Variants in MACROD2 observed in about 807,000 individuals in gnomAD.
MACROD2 encodes ADP-ribose glycohydrolase MACROD2.
In MACROD2, 36 loss-of-function variants were observed where a neutral mutation model predicts 70.4. The observed-to-expected ratio is 0.51, with a 90% confidence interval of 0.39 to 0.68. The LOEUF (loss-of-function observed/expected upper bound fraction) is 0.68, where lower values mean the gene tolerates loss of function less well. Among genes scored for constraint, MACROD2 ranks in the 30% least tolerant of loss-of-function variants. The pLI, the probability that MACROD2 is intolerant of heterozygous loss-of-function variation, is 0.00. For missense variants in MACROD2, 496 were observed against 538.4 expected (o/e 0.92, Z 0.78); for synonymous variants, 172 against 178.8 (o/e 0.96, Z 0.30).
At chr20:14,989,374 C>T (rs2074879583) in intron 5 of MACROD2, among the ~76,000 whole-genome samples, 1 of 152,144 alleles carries the variant, frequency 6.6e-6, no homozygotes, top group Non-Finnish European at 1.5e-5. Flanking sequence ...GCTGTCCAGG[C>T]TCTTGACACC....
chr20:15,931,715 G>A (rs6105495), intron 10 of MACROD2, among the ~76,000 whole-genome samples: 10,184 of 151,928 alleles, frequency 0.067, 832 homozygotes, highest in African/African-American at 0.19. Context: ...AACACAGGGG[G>A]TCCTGTACGT....
chr20:14,577,794 A>AAAGAAGAGAAGAG (rs775454835), intron 4 of MACROD2, among the ~76,000 whole-genome samples: 76 of 137,826 alleles, frequency 5.5e-4, no homozygotes, highest in African/African-American at 1.7e-3. Context: ...AAAGAAAAGG[A>AAAGAAGAGAAGAG]AAGAGAAGAG....
rs556370626 is a variant in MACROD2 at position 15,480,204 on chromosome 20, C to T, written c.572-19570C>T. Among the ~76,000 whole-genome samples, 3 of 152,238 alleles carry T rather than the reference C, an allele frequency of 2.0e-5. No individual in the cohort carries two copies. In the East Asian group the frequency reaches 5.8e-4, roughly 29 times the overall value. On this transcript the variant is annotated intron_variant, in intron 7 of 17. Coordinates refer to ENST00000684519, the MANE Select transcript of MACROD2 (RefSeq NM_001351661.2). ...TGAGATGCAAGTACAGAAATGTTGG[C>T]CCAACTCTATTAAAAACCAATGTGT... is the stretch of plus-strand genomic sequence containing the variant.
At chr20:15,496,965 C>T (rs1215068305) in intron 7 of MACROD2, among the ~76,000 whole-genome samples, 2 of 152,006 alleles carry the variant, frequency 1.3e-5, no homozygotes, top group African/African-American at 4.8e-5. Context: ...GCCGATCAGA[C>T]CTTGAATGAA....
In MACROD2 at chr20:14,808,553, G is replaced by A. The variant is rs369608336; in HGVS notation, c.418+123594G>A. Among the ~76,000 whole-genome samples the A allele has an allele frequency of 2.6e-5, 4 of 152,060 alleles. No individual in the cohort carries two copies. In the East Asian group the frequency reaches 7.7e-4, roughly 29 times the overall value. On this transcript the variant is annotated intron_variant, in intron 5 of 17. Coordinates refer to ENST00000684519, the MANE Select transcript of MACROD2 (RefSeq NM_001351661.2). ...AATGGGCAAAATAACCAGCTAGCAT[G>A]ATAATGACAGGATCAAATTCACACA...
chr20:14,812,007 A>G (rs2072718900), intron 5 of MACROD2, among the ~76,000 whole-genome samples: 1 of 152,124 alleles, frequency 6.6e-6, no homozygotes, highest in South Asian at 2.1e-4. Context: ...ACCATTGTGG[A>G]AGACAGTGTG....
At chr20:14,592,385 T>C (rs938517774) in intron 4 of MACROD2, among the ~76,000 whole-genome samples, 7 of 152,156 alleles carry the variant, frequency 4.6e-5, no homozygotes, top group African/African-American at 1.7e-4. Flanking sequence ...AGGAACATTA[T>C]TGCAAAGAGG....
intron 5 of MACROD2, among the ~76,000 whole-genome samples, chr20:15,061,976 G>T (rs751102402): frequency 6.6e-6 from 1 of 152,170 alleles, no homozygotes; most frequent in Non-Finnish European, 1.5e-5. Context: ...CACCTCTCTA[G>T]AGAAGCTGAG....
At chr20:14,330,675 G>A (rs2082819680) in intron 3 of MACROD2, among the ~76,000 whole-genome samples, 1 of 152,102 alleles carries the variant, frequency 6.6e-6, no homozygotes, top group African/African-American at 2.4e-5. Flanking sequence ...GCAGTTAGCA[G>A]ATGGATCAAA....
At chr20:15,949,891 C>T (rs1431946857) in intron 12 of MACROD2, among the ~76,000 whole-genome samples, 1 of 151,960 alleles carries the variant, frequency 6.6e-6, no homozygotes, top group East Asian at 1.9e-4. Context: ...GTATACTTAC[C>T]CAACCAAAAA....
chr20:14,570,074 T>C (rs1264482922), intron 4 of MACROD2, among the ~76,000 whole-genome samples: 1 of 152,016 alleles, frequency 6.6e-6, no homozygotes, highest in African/African-American at 2.4e-5. Context: ...TGCAAGAATG[T>C]GCATAGCTGC....
intron 8 of MACROD2, among the ~76,000 whole-genome samples, chr20:15,590,979 GAAA>G (rs1034360114): frequency 2.0e-5 from 3 of 150,568 alleles, no homozygotes; most frequent in African/African-American, 7.3e-5. Context: ...AAGAAAGAAA[GAAA>G]AGAAGAGAGA....
At chr20:15,797,330 T>C (rs1213531531) in intron 8 of MACROD2, among the ~76,000 whole-genome samples, 1 of 152,156 alleles carries the variant, frequency 6.6e-6, no homozygotes, top group African/African-American at 2.4e-5. Context: ...TTAGCCAGGA[T>C]GGTCTCCATC....
intron 5 of MACROD2, among the ~76,000 whole-genome samples, chr20:15,079,280 G>T (rs1382721316): frequency 6.6e-6 from 1 of 151,722 alleles, no homozygotes; most frequent in Non-Finnish European, 1.5e-5. Context: ...CTTAATTCTT[G>T]GTGGCTCCAG....
At chr20:14,751,298 G>T (rs568747138) in intron 5 of MACROD2, among the ~76,000 whole-genome samples, 1 of 143,310 alleles carries the variant, frequency 7.0e-6, no homozygotes, top group South Asian at 2.2e-4. Context: ...TTTTATTCTT[G>T]AGTATTCAGT....
chr20:15,054,257 T>G (rs1417814996), intron 5 of MACROD2, among the ~76,000 whole-genome samples: 4 of 152,232 alleles, frequency 2.6e-5, no homozygotes. Context: ...TAAATTCTAC[T>G]GTGTGAAAAA....
chr20:15,862,718 T>C lies in MACROD2; in HGVS notation c.646-27T>C. 3 of 1,585,660 alleles carry C rather than the reference T, an allele frequency of 1.9e-6. No individual in the cohort carries two copies. The African/African-American group carries it at 4.1e-5, about 22-fold the overall frequency. ...GGGCAATTGCCATATTTTTTTTCAC[T>C]TTGAGTGTTTTATCTTTTGCCTCTA... On this transcript the variant is annotated intron_variant, in intron 8 of 17. Transcript: ENST00000684519.
At chr20:15,328,914 A>G (rs1240652023) in intron 6 of MACROD2, among the ~76,000 whole-genome samples, 1 of 152,118 alleles carries the variant, frequency 6.6e-6, no homozygotes, top group African/African-American at 2.4e-5. Flanking sequence ...ATATGTATAT[A>G]TAAAATAGTG....
At chr20:15,436,813 A>G (rs1248237480) in intron 7 of MACROD2, among the ~76,000 whole-genome samples, 3 of 152,184 alleles carry the variant, frequency 2.0e-5, no homozygotes, top group African/African-American at 7.2e-5. Flanking sequence ...CACAACTCCC[A>G]ACATTTTTGT....
Sources: allele counts gnomAD v4.1 joint callset (sites outside exome capture counted in the v4.1 genomes callset), GRCh38; gene constraint gnomAD v4.1.1; transcripts MANE v1.5; gene names NCBI Gene and HGNC (gene_info 2026-07-23, HGNC 2026-07-21).